CCDC148: variants seen among roughly 807,000 people sequenced by gnomAD.
CCDC148 encodes the protein coiled-coil domain containing 148, also known as coiled-coil domain-containing protein 148.
A neutral mutation model predicts 85.7 loss-of-function variants in CCDC148; 89 were observed. The observed-to-expected ratio is 1.04, with a 90% CI of 0.87 to 1.24. The LOEUF (loss-of-function observed/expected upper bound fraction) is 1.24. CCDC148 is among the 50% of genes most tolerant of loss of function. The probability of loss-of-function intolerance (pLI) is 0.00; values close to 1 mark genes in which losing one functional copy is unlikely to be tolerated. For missense variants in CCDC148, 692 were observed against 671.7 expected (o/e 1.03, Z -0.33); for synonymous variants, 230 against 213.9 (o/e 1.08, Z -0.66).
chr2:158,231,215 TATGCACTCTC>T (rs1464703917), intron 10 of CCDC148, among the ~76,000 whole-genome samples: 4 of 152,178 alleles, frequency 2.6e-5, no homozygotes, highest in Non-Finnish European at 5.9e-5. Context: ...AGAATGTGGT[TATGCACTCTC>T]ATGCTTATTT....
chr2:158,370,389 G>T (rs1360887895), intron 1 of CCDC148, among the ~76,000 whole-genome samples: 2 of 151,948 alleles, frequency 1.3e-5, no homozygotes, highest in Admixed American at 1.3e-4. Flanking sequence ...ATAAAAGTTG[G>T]CCATGATATT....
At chr2:158,188,514 C>T (rs1685261650) in intron 11 of CCDC148, among the ~76,000 whole-genome samples, 1 of 151,728 alleles carries the variant, frequency 6.6e-6, no homozygotes, top group African/African-American at 2.4e-5. Context: ...ATCATTAAAT[C>T]AGTACTGGGG....
At chr2:158,354,390 G>A (rs1430590105) in intron 2 of CCDC148, among the ~76,000 whole-genome samples, 1 of 152,002 alleles carries the variant, frequency 6.6e-6, no homozygotes, top group Non-Finnish European at 1.5e-5. Context: ...AAATGATAAA[G>A]GGGATCTCAC....
chr2:158,292,277 G>A (rs771809899), intron 9 of CCDC148, among the ~76,000 whole-genome samples: 2 of 152,078 alleles, frequency 1.3e-5, no homozygotes, highest in African/African-American at 2.4e-5. Context: ...ATACTCTGAT[G>A]GGAATTCATT....
At chr2:158,208,125 A>T (rs1236015145) in intron 11 of CCDC148, among the ~76,000 whole-genome samples, 1 of 152,206 alleles carries the variant, frequency 6.6e-6, no homozygotes, top group Non-Finnish European at 1.5e-5. Flanking sequence ...TGATAGGGCA[A>T]AAAGATATGA....
chr2:158,208,122 G>A lies in CCDC148; in HGVS notation c.1370+12473C>T, dbSNP rs544230296. Among the ~76,000 whole-genome samples, 12 of 152,260 alleles carry A rather than the reference G, an allele frequency of 7.9e-5. No individual in the cohort carries two copies. In the East Asian group the frequency reaches 2.1e-3, roughly 27 times the overall value. On this transcript the variant is annotated intron_variant, in intron 11 of 13. Transcript: ENST00000283233. ...CATGACAAGATGAGAGGATGATAGG[G>A]CAAAAAGATATGACCCTAGGGATCT...
At chr2:158,303,850 C>G (rs1377945517) in intron 9 of CCDC148, among the ~76,000 whole-genome samples, 1 of 152,176 alleles carries the variant, frequency 6.6e-6, no homozygotes, top group Non-Finnish European at 1.5e-5. Context: ...TCTGCAGCAA[C>G]CTCTGCACAT....
chr2:158,388,641 C>T (rs1685185935), intron 1 of CCDC148, among the ~76,000 whole-genome samples: 2 of 152,006 alleles, frequency 1.3e-5, no homozygotes, highest in African/African-American at 2.4e-5. Flanking sequence ...ACTACTGGTG[C>T]CCGCCACAAT....
chr2:158,425,227 A>T (rs979009883), intron 1 of CCDC148: 4 of 536,200 alleles, frequency 7.5e-6, no homozygotes, highest in Non-Finnish European at 1.1e-5. Context: ...GTGTATGCAG[A>T]CTATAGTGGC....
At chr2:158,328,666 C>T (rs1006828028) in intron 7 of CCDC148, among the ~76,000 whole-genome samples, 2 of 152,174 alleles carry the variant, frequency 1.3e-5, no homozygotes, top group Non-Finnish European at 2.9e-5. Flanking sequence ...CACATCCTCT[C>T]CAGCACCTGT....
chr2:158,237,515 C>T (rs1195310626), intron 10 of CCDC148, among the ~76,000 whole-genome samples: 4 of 151,952 alleles, frequency 2.6e-5, no homozygotes, highest in Non-Finnish European at 5.9e-5. Flanking sequence ...CGTATAAGGG[C>T]GGAAACAGAA....
In CCDC148 at chr2:158,323,376, T is replaced by C. The variant is rs539005047; in HGVS notation, c.765-9482A>G. On this transcript the variant is annotated intron_variant, in intron 7 of 13. Transcript: ENST00000283233. ...TTGATTGTATGTTGAAATTATAATA[T>C]TGTGGAACTATTGCATTAAATAAGA... Among the ~76,000 whole-genome samples, 4 of 152,348 alleles carry C rather than the reference T, an allele frequency of 2.6e-5. 1 individual carries two copies. The highest frequency in any genetic ancestry group is 2.0e-4 in the Admixed American group (3 of 15,300).
chr2:158,358,892 T>C (rs1401180179), intron 1 of CCDC148, among the ~76,000 whole-genome samples: 2 of 152,118 alleles, frequency 1.3e-5, no homozygotes, highest in South Asian at 4.1e-4. Context: ...TGTTAACCCA[T>C]TCTTTTTATT....
chr2:158,319,704 A>T (rs1692437771), intron 7 of CCDC148, among the ~76,000 whole-genome samples: 1 of 152,214 alleles, frequency 6.6e-6, no homozygotes, highest in South Asian at 2.1e-4. Flanking sequence ...GAAAAAGAGA[A>T]ACATGACTTT....
At chr2:158,388,184 C>T (rs906689505) in intron 1 of CCDC148, among the ~76,000 whole-genome samples, 2 of 152,166 alleles carry the variant, frequency 1.3e-5, no homozygotes, top group African/African-American at 2.4e-5. Flanking sequence ...AAATTAATTC[C>T]TTCTATAAGT....
chr2:158,189,408 C>A (rs973045795), intron 11 of CCDC148, among the ~76,000 whole-genome samples: 2 of 151,894 alleles, frequency 1.3e-5, no homozygotes, highest in East Asian at 3.9e-4. Flanking sequence ...ATGTATCTAG[C>A]TGTTCCAAAG....
intron 1 of CCDC148, among the ~76,000 whole-genome samples, chr2:158,379,531 A>G (rs115262742): frequency 0.012 from 1,890 of 152,268 alleles, 29 homozygotes; most frequent in African/African-American, 0.039. Flanking sequence ...AAATGCTATC[A>G]AAAGCATCAC....
intron 1 of CCDC148, among the ~76,000 whole-genome samples, chr2:158,413,514 T>C (rs986155552): frequency 6.6e-6 from 1 of 152,132 alleles, no homozygotes. Flanking sequence ...AGCCCAGCTG[T>C]AGGTTAGCTA....
chr2:158,265,745 T>G (rs1449084919), intron 9 of CCDC148, among the ~76,000 whole-genome samples: 1 of 152,112 alleles, frequency 6.6e-6, no homozygotes, highest in Non-Finnish European at 1.5e-5. Context: ...CCAGATCCAA[T>G]TATTCAGCTC....
Sources: allele counts gnomAD v4.1 joint callset (sites outside exome capture counted in the v4.1 genomes callset), GRCh38; gene constraint gnomAD v4.1.1; transcripts MANE v1.5; gene names NCBI Gene and HGNC (gene_info 2026-07-23, HGNC 2026-07-21).